The following ZNF84 variants were observed in gnomAD, a reference collection of about 807,000 sequenced individuals.
The protein encoded by ZNF84 is zinc finger protein HPF2.
Under a neutral mutation model 14.8 loss-of-function variants are expected in ZNF84, and 12 were observed. That is an observed-to-expected ratio of 0.81 (90% CI 0.52 to 1.31). ZNF84 has a LOEUF of 1.31. Among genes scored for constraint, ZNF84 ranks in the 50% most tolerant of loss-of-function variants. The probability of loss-of-function intolerance (pLI) is 0.00; values close to 1 mark genes in which losing one functional copy is unlikely to be tolerated. For synonymous variants in ZNF84, 347 were observed against 291.1 expected, an observed-to-expected ratio of 1.19 and a Z score of -1.96; for missense variants, 859 against 878.6, an observed-to-expected ratio of 0.98 and a Z score of 0.28.
intron 4 of ZNF84, chr12:133,050,614 T>C: frequency 2.5e-6 from 1 of 398,598 alleles, no homozygotes; most frequent in Non-Finnish European, 4.4e-6. Context: ...ATTTCTCAAG[T>C]GTTTTTAGAT....
chr12:133,058,583 G>A lies in ZNF84; in HGVS notation c.1868G>A (p.Gly623Glu). Reference sequence around the variant, plus strand: ...ATTAGACATCTGAGAACTCATACAGGAGAAAAACCTTATGAATGCAATGAA... The same window carrying A: ...ATTAGACATCTGAGAACTCATACAGAAGAAAAACCTTATGAATGCAATGAA... ...ELIRHLRTHT[G>E]EKPYECNECR... The change falls in exon 5 of 5, where the codon GGA (glycine) becomes GAA (glutamate). Residue 623 changes from glycine to glutamate, a missense_variant. Physicochemically the swap from Gly to Glu is moderately conservative, Grantham distance 98. Coordinates refer to ENST00000539354, the MANE Select transcript of ZNF84 (RefSeq NM_001289971.2). 1.2e-6 allele frequency: 2 copies of A among 1,614,048 alleles called. No individual in the cohort carries two copies. The highest frequency in any genetic ancestry group is 1.7e-6 in the Non-Finnish European group (2 of 1,179,990).
At position 133,062,713 on chromosome 12, in the gene ZNF84, A is replaced by AAG. The variant is rs1954284693; in HGVS notation, c.*3781_*3782insAG. 13 of 207,522 alleles carry AAG rather than the reference A, an allele frequency of 6.3e-5. No individual in the cohort carries two copies. Among genetic ancestry groups the AAG allele is most frequent in the Non-Finnish European group, 4.9e-5 (5 of 101,734 alleles). 12.9% of individuals were successfully genotyped at this position (207,522 alleles called of 1,614,324 possible). ...CTCATGTTGAAATATCGTGTGGCTT[A>AAG]TTGTGGACTTAAAGTGTAACATTCT... On this transcript the variant is annotated 3_prime_UTR_variant, in exon 5 of 5. Coordinates refer to ENST00000539354, the MANE Select transcript of ZNF84 (RefSeq NM_001289971.2).
At chr12:133,052,910 G>T (rs933342970) in intron 4 of ZNF84, among the ~76,000 whole-genome samples, 2 of 152,220 alleles carry the variant, frequency 1.3e-5, no homozygotes, top group Non-Finnish European at 2.9e-5. Flanking sequence ...AAATGGTTTA[G>T]TTACTTTTAG....
rs1431777845 is a variant in ZNF84, at chr12:133,060,144, T to A, written c.*1212T>A. 3.3e-5 allele frequency: 5 copies of A among 152,326 alleles called. No homozygotes were observed. The highest frequency in any genetic ancestry group is 9.6e-5 in the African/African-American group (4 of 41,576). 9.4% of individuals were successfully genotyped at this position (152,326 alleles called of 1,614,324 possible). On this transcript the variant is annotated 3_prime_UTR_variant, in exon 5 of 5. Transcript: ENST00000539354. ...GTATATATATATGTATCTTAAGTGA[T>A]ATGTAACCCAAATGTCACTATTTTA...
At chr12:133,050,586 G>A (rs1310858674) in intron 4 of ZNF84, 1 of 398,368 alleles carries the variant, frequency 2.5e-6, no homozygotes, top group African/African-American at 2.1e-5. Flanking sequence ...TCCCATTCAT[G>A]GTCAGTTCCA....
At chr12:133,056,646 C>G (rs1347313489) in intron 4 of ZNF84, among the ~76,000 whole-genome samples, 5 of 152,132 alleles carry the variant, frequency 3.3e-5, no homozygotes, top group Non-Finnish European at 5.9e-5. Context: ...ATTAATTACT[C>G]AAAACATTGG....
chr12:133,057,740 C>G lies in ZNF84; in HGVS notation c.1025C>G (p.Thr342Ser). The change falls in exon 5 of 5, where the codon ACC becomes AGC. Residue 342 changes from threonine (T) to serine (S), a missense_variant. Transcript: ENST00000539354. ...SNLINHQRIHTGEKPFECREC... is the reference protein window; with the variant it reads ...SNLINHQRIHSGEKPFECREC... ...CTCATTAACCATCAGAGAATTCATA[C>G]CGGTGAGAAGCCTTTTGAATGCAGG... The G allele has an allele frequency of 6.2e-7, 1 of 1,614,048 alleles. No individual in the cohort carries two copies. Among genetic ancestry groups the G allele is most frequent in the Non-Finnish European group, 8.5e-7 (1 of 1,180,012 alleles).
In ZNF84 at chr12:133,060,260, T is replaced by C. The variant is rs1954236414; in HGVS notation, c.*1328T>C. The C allele has an allele frequency of 6.6e-6, 1 of 152,156 alleles. No homozygotes were observed. Among genetic ancestry groups the C allele is most frequent in the East Asian group, 1.9e-4 (1 of 5,194 alleles). 9.4% of individuals were successfully genotyped at this position (152,156 alleles called of 1,614,324 possible). A position where few individuals can be genotyped will look rare whatever the true frequency, so the allele number is the denominator to read the frequency against. On this transcript the variant is annotated 3_prime_UTR_variant, in exon 5 of 5. Transcript: ENST00000539354. The stretch of plus-strand genomic sequence containing the variant: ...ATCTTGTAAAAATTAGATGGATAAA[T>C]GAATTATTAAAAAATCACATTTCTG...
chr12:133,057,919 C>G lies in ZNF84; in HGVS notation c.1204C>G (p.Pro402Ala). Reference sequence around the variant, plus strand: ...TCAGACAATTCATACTGGAGAGAAACCCTATGAATGCAGCGAGTGTAGGAA... The same window carrying G: ...TCAGACAATTCATACTGGAGAGAAAGCCTATGAATGCAGCGAGTGTAGGAA... ...RHQTIHTGEKPYECSECRKAF... is the reference protein window; with the variant it reads ...RHQTIHTGEKAYECSECRKAF... The change falls in exon 5 of 5, where the codon CCC (proline) becomes GCC (alanine). Residue 402 changes from proline (P) to alanine (A), a missense_variant. Coordinates refer to ENST00000539354, the MANE Select transcript of ZNF84 (RefSeq NM_001289971.2). The G allele has an allele frequency of 6.2e-7, 1 of 1,614,112 alleles. No homozygotes were observed. Among genetic ancestry groups the G allele is most frequent in the Non-Finnish European group, 8.5e-7 (1 of 1,180,014 alleles).
At chr12:133,045,062 T>C (rs768978505) in intron 2 of ZNF84, among the ~76,000 whole-genome samples, 250 of 152,374 alleles carry the variant, frequency 1.6e-3, no homozygotes, top group Non-Finnish European at 2.3e-3. Flanking sequence ...AGTAAACTTA[T>C]GCTGTATAAC....
intron 4 of ZNF84, among the ~76,000 whole-genome samples, chr12:133,053,462 A>C (rs1954104295): frequency 6.6e-6 from 1 of 152,174 alleles, no homozygotes; most frequent in African/African-American, 2.4e-5. Context: ...TAACAGTGTC[A>C]ATTGTGGGGG....
chr12:133,047,049 G>A (rs1273796094), intron 2 of ZNF84, among the ~76,000 whole-genome samples: 12 of 149,752 alleles, frequency 8.0e-5, no homozygotes, highest in African/African-American at 2.2e-4. Context: ...TGATCCTCCC[G>A]CATTGGCCTC....
At chr12:133,047,703 C>T in intron 2 of ZNF84, 3 of 324,030 alleles carry the variant, frequency 9.3e-6, no homozygotes, top group Non-Finnish European at 1.8e-5. Flanking sequence ...CTTCTCATGG[C>T]AGTACTCTGT....
chr12:133,051,112 G>GT (rs71825223), intron 4 of ZNF84, among the ~76,000 whole-genome samples: 56,425 of 145,372 alleles, frequency 0.39, 11,092 homozygotes, highest in African/African-American at 0.45. Context: ...TTGTTTTTTG[G>GT]TTTTTTTTTT....
intron 1 of ZNF84, among the ~76,000 whole-genome samples, chr12:133,039,406 C>CA (rs1953847283): frequency 6.6e-6 from 1 of 152,144 alleles, no homozygotes; most frequent in African/African-American, 2.4e-5. Flanking sequence ...TAGATATGCA[C>CA]AAATGACAAT....
intron 2 of ZNF84, among the ~76,000 whole-genome samples, chr12:133,045,981 A>C (rs1232238793): frequency 6.6e-6 from 1 of 151,098 alleles, no homozygotes; most frequent in African/African-American, 2.4e-5. Context: ...GTTTCTGTTG[A>C]TCTGTCTTCA....
At chr12:133,046,377 T>G (rs1953980078) in intron 2 of ZNF84, among the ~76,000 whole-genome samples, 1 of 69,038 alleles carries the variant, frequency 1.4e-5, no homozygotes, top group East Asian at 4.7e-4. Flanking sequence ...TTTTTTTTTT[T>G]TTTTTTAAAT....
rs1954238796 is a variant in ZNF84 at position 133,060,363 on chromosome 12, A to T, written c.*1431A>T. On this transcript the variant is annotated 3_prime_UTR_variant, in exon 5 of 5. Transcript: ENST00000539354. ...AGGATGCCTATTTTATCTTCTAGCA[A>T]ATTTCTGTGGTCCCTGGAAAAGTAC... 6.6e-6 allele frequency: 1 copy of T among 152,190 alleles called. No individual in the cohort carries two copies. Among genetic ancestry groups the T allele is most frequent in the Non-Finnish European group, 1.5e-5 (1 of 68,022 alleles). 9.4% of individuals were successfully genotyped at this position (152,190 alleles called of 1,614,324 possible).
In ZNF84 at chr12:133,056,985, G is replaced by C. The variant is rs1593713055; in HGVS notation, c.270G>C (p.Trp90Cys). Residue 90 changes from tryptophan (W) to cysteine (C), a missense_variant, in exon 5 of 5, where the codon TGG (tryptophan) becomes TGC (cysteine). Coordinates refer to ENST00000539354, the MANE Select transcript of ZNF84 (RefSeq NM_001289971.2). Reference protein sequence around the residue: ...EVWKVDGNMMWHQDNQDKLKI... With the variant: ...EVWKVDGNMMCHQDNQDKLKI... ...GGAAAGTAGATGGTAACATGATGTG[G>C]CACCAGGATAACCAAGACAAGCTTA... The C allele has an allele frequency of 6.9e-6, 11 of 1,594,784 alleles. No homozygotes were observed. In the East Asian group the frequency reaches 2.5e-4, roughly 36 times the overall value.
Sources: allele counts gnomAD v4.1 joint callset (sites outside exome capture counted in the v4.1 genomes callset), GRCh38; gene constraint gnomAD v4.1.1; transcripts MANE v1.5; gene names NCBI Gene and HGNC (gene_info 2026-07-23, HGNC 2026-07-21).